Variants in NBEAL1 observed in about 807,000 individuals in gnomAD.
NBEAL1 encodes neurobeachin-like protein 1.
NBEAL1 carries 273 observed loss-of-function variants against 351.3 expected under a neutral mutation model. That is an observed-to-expected ratio of 0.78 (90% CI 0.70 to 0.86). The LOEUF (loss-of-function observed/expected upper bound fraction) is 0.86, where lower values mean the gene tolerates loss of function less well. NBEAL1 is among the 40% of genes least tolerant of loss of function. The pLI is 0.00. For missense variants in NBEAL1, 2,961 were observed against 3,201.3 expected, an observed-to-expected ratio of 0.92 and a Z score of 1.81; for synonymous variants, 1,050 against 1,086.4, an observed-to-expected ratio of 0.97 and a Z score of 0.66.
intron 12 of NBEAL1, among the ~76,000 whole-genome samples, chr2:203,106,626 A>G (rs2062446144): frequency 6.6e-6 from 1 of 152,114 alleles, no homozygotes; most frequent in Non-Finnish European, 1.5e-5. Flanking sequence ...AATAGCTGGC[A>G]TGTTTAAAAT....
rs1360716717 is a variant in NBEAL1, at chr2:203,049,824, A to G, written c.154A>G (p.Met52Val). 3.9e-6 allele frequency: 6 copies of G among 1,551,058 alleles called. No homozygotes were observed. Among genetic ancestry groups the G allele is most frequent in the Admixed American group, 2.0e-5 (1 of 50,904 alleles). ...FEKLPTRVDD[M>V]PPGISLLPDN... ...CCCTTTCTGTTGTAGGGTAGATGAT[A>G]TGCCTCCAGGAATATCTCTGCTTCC... Residue 52 changes from methionine (M) to valine (V), a missense_variant, in exon 4 of 56, where the codon ATG (methionine) becomes GTG (valine). Transcript: ENST00000683969.
chr2:203,219,875 T>A lies in NBEAL1; in HGVS notation c.*2521T>A, dbSNP rs2065936794. 7.1e-6 allele frequency: 1 copy of A among 141,132 alleles called. No homozygotes were observed. The highest frequency in any genetic ancestry group is 7.1e-5 in the Admixed American group (1 of 14,012). The allele number at this position is 141,132 out of a possible 1,614,324, so 8.7% of individuals were successfully genotyped here. A position where few individuals can be genotyped will look rare whatever the true frequency, so the allele number is the denominator to read the frequency against. On this transcript the variant is annotated 3_prime_UTR_variant, in exon 56 of 56. Transcript: ENST00000683969. The stretch of plus-strand genomic sequence containing the variant: ...TTTGTCTCAAAGAAAAGAAAAAAAA[T>A]ATGGAATTTAGAGAAAAATCTTTGA...
At chr2:203,163,917 G>T (rs955767634) in intron 36 of NBEAL1, among the ~76,000 whole-genome samples, 1 of 151,914 alleles carries the variant, frequency 6.6e-6, no homozygotes, top group African/African-American at 2.4e-5. Context: ...CCCTTCCTTT[G>T]TGAAATGTCT....
rs1247343483 is a variant in NBEAL1, at chr2:203,217,348, CA to C, written c.8168del (p.Lys2723SerfsTer10). 1 of 1,568,196 alleles carries C rather than the reference CA, an allele frequency of 6.4e-7. No individual in the cohort carries two copies. Among genetic ancestry groups the C allele is most frequent in the Non-Finnish European group, 8.6e-7 (1 of 1,159,552 alleles). Reference sequence around the variant, plus strand: ...AAACTGAATATAATACTCAAGATTCCAAGTGATTGTTATTTCCATTTTCTGT... The same window carrying C: ...AAACTGAATATAATACTCAAGATTCCAGTGATTGTTATTTCCATTTTCTGT... ...GETEYNTQDS[K>X] is the part of the protein sequence containing the mutation. On this transcript the variant is annotated frameshift_variant, in exon 56 of 56. Transcript: ENST00000683969. LOFTEE classifies it high-confidence loss of function.
At position 203,122,284 on chromosome 2, in the gene NBEAL1, TCTA is replaced by T; in HGVS notation, c.2627_2629del (p.Thr876del). ...CAAAAATTCAATCTGTCTTGATTTA[TCTA>T]CTAATTGTTTGCATGGAAGATTAAC... On this transcript the variant is annotated inframe_deletion, in exon 19 of 56. Coordinates refer to ENST00000683969, the MANE Select transcript of NBEAL1 (RefSeq NM_001378026.1). 1.3e-6 allele frequency: 2 copies of T among 1,544,328 alleles called. No individual in the cohort carries two copies.
At chr2:203,185,730 G>A (rs891053145) in intron 44 of NBEAL1, among the ~76,000 whole-genome samples, 1 of 152,120 alleles carries the variant, frequency 6.6e-6, no homozygotes, top group Non-Finnish European at 1.5e-5. Context: ...GTAATGTCAG[G>A]ATATCTCCTC....
chr2:203,103,337 G>A (rs2062366746), intron 12 of NBEAL1, among the ~76,000 whole-genome samples: 1 of 151,828 alleles, frequency 6.6e-6, no homozygotes, highest in African/African-American at 2.4e-5. Context: ...CCAGTGGCGC[G>A]ATCTCAGCTC....
intron 8 of NBEAL1, 32 bp from the exon 9 acceptor site, chr2:203,083,187 A>C (rs769572039): frequency 2.3e-5 from 35 of 1,510,920 alleles, no homozygotes; most frequent in Non-Finnish European, 3.1e-5. Context: ...CATTAGGTTT[A>C]GGTTTCATTT....
At chr2:203,184,444 T>A (rs941622919) in intron 44 of NBEAL1, among the ~76,000 whole-genome samples, 1 of 152,042 alleles carries the variant, frequency 6.6e-6, no homozygotes, top group Non-Finnish European at 1.5e-5. Context: ...AATAAATAAA[T>A]AAATAAAGTA....
At chr2:203,136,355 A>G in intron 28 of NBEAL1, 103 bp downstream of exon 28, 2 of 923,404 alleles carry the variant, frequency 2.2e-6, no homozygotes, top group East Asian at 5.2e-5. Context: ...TTCATATTGT[A>G]TTCATGTTCT....
At chr2:203,180,543 G>C (rs766381589) in intron 43 of NBEAL1, 31 bp downstream of exon 43, 2 of 1,578,826 alleles carry the variant, frequency 1.3e-6, no homozygotes, top group Non-Finnish European at 1.7e-6. Context: ...AATTTGACTA[G>C]CAGGTCCCAA....
rs1478613839 is a variant in NBEAL1, at chr2:203,202,732, T to C, written c.7457T>C (p.Ile2486Thr). The C allele has an allele frequency of 8.7e-6, 14 of 1,603,244 alleles. No homozygotes were observed. The highest frequency in any genetic ancestry group is 1.1e-5 in the Non-Finnish European group (13 of 1,170,572). The change falls in exon 51 of 56, where the codon ATT becomes ACT. Residue 2486 changes from isoleucine (I) to threonine (T), a missense_variant. By Grantham distance (89) the Ile-to-Thr change is moderately conservative (BLOSUM62 -1). Coordinates refer to ENST00000683969, the MANE Select transcript of NBEAL1 (RefSeq NM_001378026.1). The part of the protein sequence containing the change: ...LATDYCGIHL[I>T]SGSRDTTCMI... ...ACAGATTACTGTGGAATACATTTGATTTCTGGTTCCAGAGATACTACATGT... is the reference window on the plus strand; with the variant it reads ...ACAGATTACTGTGGAATACATTTGACTTCTGGTTCCAGAGATACTACATGT...
intron 8 of NBEAL1, among the ~76,000 whole-genome samples, chr2:203,082,930 GT>G (rs1447987781): frequency 6.6e-6 from 1 of 152,118 alleles, no homozygotes; most frequent in Admixed American, 6.5e-5. Context: ...TTCCCTTTTT[GT>G]TTATAAAATG....
At chr2:203,112,746 AC>A (rs1369416786) in intron 16 of NBEAL1, among the ~76,000 whole-genome samples, 6 of 152,248 alleles carry the variant, frequency 3.9e-5, no homozygotes, top group Admixed American at 3.9e-4. Flanking sequence ...AATCATATGC[AC>A]TTTAAAAATT....
At chr2:203,072,326 G>A (rs1574930546) in intron 7 of NBEAL1, among the ~76,000 whole-genome samples, 2 of 151,780 alleles carry the variant, frequency 1.3e-5, no homozygotes, top group Admixed American at 1.3e-4. Flanking sequence ...TGAGCTGGCT[G>A]ATTAAGTCCA....
At chr2:203,190,170 ACACACACACACACACACAC>A in intron 45 of NBEAL1, 103 bp from the exon 46 acceptor site, 1 of 11,282 alleles carries the variant, frequency 8.9e-5, no homozygotes, top group Non-Finnish European at 3.9e-4. Flanking sequence ...ACACACACAC[ACACACACACACACACACAC>A]ACACACACAC....
At chr2:203,078,595 C>T (rs1188625336) in intron 8 of NBEAL1, among the ~76,000 whole-genome samples, 2 of 152,204 alleles carry the variant, frequency 1.3e-5, no homozygotes, top group African/African-American at 4.8e-5. Flanking sequence ...CCACCTCAGC[C>T]TCCCCAAGTA....
intron 12 of NBEAL1, among the ~76,000 whole-genome samples, chr2:203,101,921 T>C (rs2062334748): frequency 6.6e-6 from 1 of 152,224 alleles, no homozygotes; most frequent in Non-Finnish European, 1.5e-5. Flanking sequence ...TTTAACAGTA[T>C]TGATTCTTCC....
chr2:203,202,601 T>C, intron 50 of NBEAL1, 86 bp from the exon 51 acceptor site: 1 of 770,890 alleles, frequency 1.3e-6, no homozygotes, highest in Non-Finnish European at 2.3e-6. Context: ...GATTTAGGAA[T>C]AGTTTGAACA....
Sources: allele counts gnomAD v4.1 joint callset (sites outside exome capture counted in the v4.1 genomes callset), GRCh38; gene constraint gnomAD v4.1.1; transcripts MANE v1.5; gene names NCBI Gene and HGNC (gene_info 2026-07-23, HGNC 2026-07-21).